The following MC3R variants were observed in gnomAD, a reference collection of about 807,000 sequenced individuals.
The protein encoded by MC3R is melanocortin receptor 3.
MC3R carries 12 observed loss-of-function variants against 14.0 expected under a neutral mutation model. The ratio of observed to expected loss-of-function variants is 0.86; its 90% CI spans 0.55 to 1.39. The LOEUF (loss-of-function observed/expected upper bound fraction) is 1.39. MC3R is among the 40% of genes most tolerant of loss of function. MC3R has a pLI of 0.00. For synonymous variants in MC3R, 174 were observed against 180.5 expected, an observed-to-expected ratio of 0.96 and a Z score of 0.29; for missense variants, 432 against 433.6, an observed-to-expected ratio of 1.00 and a Z score of 0.03.
In MC3R at chr20:56,249,255, A is replaced by G. The variant is rs760412753; in HGVS notation, c.412A>G (p.Ile138Val). ...LVASICNLLA[I>V]AVDRYVTIFY... ...GGCCTCCATCTGCAACCTCCTGGCC[A>G]TCGCCGTCGACAGGTACGTCACCAT... The change falls in exon 1 of 1, where the codon ATC becomes GTC. Residue 138 changes from isoleucine (I) to valine (V), a missense_variant. By Grantham distance (29) the Ile-to-Val change is conservative. Coordinates refer to ENST00000243911, the MANE Select transcript of MC3R (RefSeq NM_019888.3). The G allele has an allele frequency of 7.4e-6, 12 of 1,614,014 alleles. No individual in the cohort carries two copies. Among genetic ancestry groups the G allele is most frequent in the Non-Finnish European group, 2.5e-6 (3 of 1,180,034 alleles).
In MC3R at chr20:56,249,588, G is replaced by A. The variant is rs373708098; in HGVS notation, c.745G>A (p.Gly249Ser). The change falls in exon 1 of 1, where the codon GGC (glycine) becomes AGC (serine). Residue 249 changes from glycine to serine, a missense_variant. By Grantham distance (56) the Gly-to-Ser change is moderately conservative (BLOSUM62 0). Transcript: ENST00000243911. ...KGAVTITILL[G>S]VFIFCWAPFF... The stretch of plus-strand genomic sequence containing the variant: ...GGCAGTCACCATCACCATTCTCCTG[G>A]GCGTGTTCATCTTCTGCTGGGCCCC... 168 of 1,612,742 alleles carry A rather than the reference G, an allele frequency of 1.0e-4. No homozygotes were observed. The highest frequency in any genetic ancestry group is 1.2e-4 in the Non-Finnish European group (147 of 1,178,982).
Position 56,249,014 on chromosome 20 carries a change from C to A in MC3R, c.171C>A (p.Ile57=). The change falls in exon 1 of 1, where the codon ATC becomes ATA. Residue 57 remains isoleucine, a synonymous_variant. Coordinates refer to ENST00000243911, the MANE Select transcript of MC3R (RefSeq NM_019888.3). ...GCATCGTCAGTCTGCTGGAAAACAT[C>A]CTGGTTATCCTGGCCGTGGTCAGGA... ...SLGIVSLLEN[I]LVILAVVRNG... 6.2e-7 allele frequency: 1 copy of A among 1,614,198 alleles called. No homozygotes were observed. Among genetic ancestry groups the A allele is most frequent in the Non-Finnish European group, 8.5e-7 (1 of 1,180,030 alleles).
At position 56,249,588 on chromosome 20, in the gene MC3R, G is replaced by T; in HGVS notation, c.745G>T (p.Gly249Cys). 6.2e-7 allele frequency: 1 copy of T among 1,612,862 alleles called. No individual in the cohort carries two copies. The highest frequency in any genetic ancestry group is 1.3e-5 in the African/African-American group (1 of 74,964). Residue 249 changes from glycine (G) to cysteine (C), a missense_variant, in exon 1 of 1, where the codon GGC becomes TGC. Gly to Cys is a radical substitution (Grantham distance 159). Transcript: ENST00000243911. ...KGAVTITILL[G>C]VFIFCWAPFF... is the part of the protein sequence containing the mutation. ...GGCAGTCACCATCACCATTCTCCTG[G>T]GCGTGTTCATCTTCTGCTGGGCCCC... is the stretch of plus-strand genomic sequence containing the variant.
rs1346416753 is a variant in MC3R at position 56,249,327 on chromosome 20, C to G, written c.484C>G (p.Leu162Val). ...YHSIMTVRKA[L>V]TLIVAIWVCC... ...CAGCATCATGACCGTGAGGAAGGCC[C>G]TCACCTTGATCGTGGCCATCTGGGT... is the stretch of plus-strand genomic sequence containing the variant. Residue 162 changes from leucine to valine, a missense_variant, in exon 1 of 1, where the codon CTC becomes GTC. Coordinates refer to ENST00000243911, the MANE Select transcript of MC3R (RefSeq NM_019888.3). 6.2e-7 allele frequency: 1 copy of G among 1,614,146 alleles called. No individual in the cohort carries two copies. The highest frequency in any genetic ancestry group is 1.1e-5 in the South Asian group (1 of 91,076).
In MC3R at chr20:56,249,745, T is replaced by C. The variant is rs779704907; in HGVS notation, c.902T>C (p.Phe301Ser). ...NSVIDPLIYA[F>S]RSLELRNTFR... ...GTCATCGACCCACTCATCTACGCTT[T>C]CCGGAGCCTGGAATTGCGCAACACC... The change falls in exon 1 of 1, where the codon TTC (phenylalanine) becomes TCC (serine). Residue 301 changes from phenylalanine to serine, a missense_variant. Coordinates refer to ENST00000243911, the MANE Select transcript of MC3R (RefSeq NM_019888.3). The C allele has an allele frequency of 4.3e-6, 7 of 1,613,984 alleles. No homozygotes were observed. The African/African-American group carries it at 9.3e-5, about 22-fold the overall frequency.
In MC3R at chr20:56,249,015, C is replaced by T. The variant is rs145062060; in HGVS notation, c.172C>T (p.Leu58=). Residue 58 remains leucine (L), a synonymous_variant, in exon 1 of 1, where the codon CTG becomes TTG. Transcript: ENST00000243911. ...LGIVSLLENI[L]VILAVVRNGN... is the part of the protein sequence containing the mutation. ...CATCGTCAGTCTGCTGGAAAACATC[C>T]TGGTTATCCTGGCCGTGGTCAGGAA... is the stretch of plus-strand genomic sequence containing the variant. The T allele has an allele frequency of 1.3e-3, 2,138 of 1,614,180 alleles. 5 individuals carry two copies. Among genetic ancestry groups the T allele is most frequent in the Non-Finnish European group, 1.7e-3 (2,031 of 1,180,020 alleles).
rs769405419 is a variant in MC3R, at chr20:56,249,474, T to G, written c.631T>G (p.Phe211Val). ...CATGGGCACCCTCTACGTGCACATG[T>G]TCCTCTTTGCGCGGCTGCACGTCAA... is the stretch of plus-strand genomic sequence containing the variant. Reference protein sequence around the residue: ...LLMGTLYVHMFLFARLHVKRI... With the variant: ...LLMGTLYVHMVLFARLHVKRI... Residue 211 changes from phenylalanine (F) to valine (V), a missense_variant, in exon 1 of 1, where the codon TTC (phenylalanine) becomes GTC (valine). Coordinates refer to ENST00000243911, the MANE Select transcript of MC3R (RefSeq NM_019888.3). 4 of 1,614,114 alleles carry G rather than the reference T, an allele frequency of 2.5e-6. No individual in the cohort carries two copies. Among genetic ancestry groups the G allele is most frequent in the East Asian group, 2.2e-5 (1 of 44,872 alleles).
rs766377163 is a variant in MC3R, at chr20:56,249,062, G to A, written c.219G>A (p.Met73Ile). ...GGAACGGCAACCTGCACTCCCCGAT[G>A]TACTTCTTTCTCTGCAGCCTGGCGG... ...VVRNGNLHSPMYFFLCSLAVA... is the reference protein window; with the variant it reads ...VVRNGNLHSPIYFFLCSLAVA... The change falls in exon 1 of 1, where the codon ATG (methionine) becomes ATA (isoleucine). Residue 73 changes from methionine to isoleucine, a missense_variant. Met to Ile is a conservative substitution (Grantham distance 10). Coordinates refer to ENST00000243911, the MANE Select transcript of MC3R (RefSeq NM_019888.3). 24 of 1,614,096 alleles carry A rather than the reference G, an allele frequency of 1.5e-5. No individual in the cohort carries two copies. The Admixed American group carries it at 3.8e-4, about 26-fold the overall frequency.
chr20:56,249,015 C>G lies in MC3R; in HGVS notation c.172C>G (p.Leu58Val), dbSNP rs145062060. The G allele has an allele frequency of 6.2e-7, 1 of 1,614,062 alleles. No homozygotes were observed. The highest frequency in any genetic ancestry group is 1.3e-5 in the African/African-American group (1 of 74,926). ...CATCGTCAGTCTGCTGGAAAACATCCTGGTTATCCTGGCCGTGGTCAGGAA... is the reference window on the plus strand; with the variant it reads ...CATCGTCAGTCTGCTGGAAAACATCGTGGTTATCCTGGCCGTGGTCAGGAA... ...LGIVSLLENI[L>V]VILAVVRNGN... Residue 58 changes from leucine to valine, a missense_variant, in exon 1 of 1, where the codon CTG (leucine) becomes GTG (valine). Physicochemically the swap from Leu to Val is conservative, Grantham distance 32. Transcript: ENST00000243911.
Position 56,249,199 on chromosome 20 carries a change from T to C in MC3R, c.356T>C (p.Ile119Thr), listed in dbSNP as rs903818414. 6.2e-7 allele frequency: 1 copy of C among 1,613,968 alleles called. No individual in the cohort carries two copies. The highest frequency in any genetic ancestry group is 1.3e-5 in the African/African-American group (1 of 74,894). ...EDQFIQHMDN[I>T]FDSMICISLV... is the part of the protein sequence containing the mutation. The stretch of plus-strand genomic sequence containing the variant: ...CAGTTTATCCAGCACATGGACAACA[T>C]CTTCGACTCCATGATCTGCATCTCC... The change falls in exon 1 of 1, where the codon ATC (isoleucine) becomes ACC (threonine). Residue 119 changes from isoleucine (I) to threonine (T), a missense_variant. Physicochemically the swap from Ile to Thr is moderately conservative, Grantham distance 89. Coordinates refer to ENST00000243911, the MANE Select transcript of MC3R (RefSeq NM_019888.3).
At position 56,248,734 on chromosome 20, in the gene MC3R, T is replaced by G; in HGVS notation, c.-110T>G. 1.4e-5 allele frequency: 17 copies of G among 1,258,826 alleles called. No individual in the cohort carries two copies. The highest frequency in any genetic ancestry group is 2.9e-5 in the African/African-American group (2 of 68,078). 78.0% of individuals were successfully genotyped at this position (1,258,826 alleles called of 1,614,324 possible). On this transcript the variant is annotated 5_prime_UTR_variant, in exon 1 of 1. An upstream start codon of the reference 5' UTR is lost. Transcript: ENST00000243911. Reference sequence around the variant, plus strand: ...GAATAAACTCTAAGGCCAGATTGAATGAGCATCCAAAAGACGTATCTGGAG... The same window carrying G: ...GAATAAACTCTAAGGCCAGATTGAAGGAGCATCCAAAAGACGTATCTGGAG...
Position 56,248,957 on chromosome 20 carries a change from C to CTTCATCAAGCCCGAGGTT in MC3R, c.118_135dup (p.Ile40_Phe45dup). The CTTCATCAAGCCCGAGGTT allele has an allele frequency of 6.2e-7, 1 of 1,614,182 alleles. No individual in the cohort carries two copies. The highest frequency in any genetic ancestry group is 8.5e-7 in the Non-Finnish European group (1 of 1,180,040). The stretch of plus-strand genomic sequence containing the variant: ...GCAGCAGCGCCTTCTGTGAGCAGGT[C>CTTCATCAAGCCCGAGGTT]TTCATCAAGCCCGAGGTTTTCCTGT... On this transcript the variant is annotated inframe_insertion, in exon 1 of 1. Transcript: ENST00000243911.
chr20:56,249,342 G>A lies in MC3R; in HGVS notation c.499G>A (p.Ala167Thr). The A allele has an allele frequency of 1.9e-6, 3 of 1,614,106 alleles. No individual in the cohort carries two copies. Among genetic ancestry groups the A allele is most frequent in the Non-Finnish European group, 2.5e-6 (3 of 1,180,014 alleles). The change falls in exon 1 of 1, where the codon GCC becomes ACC. Residue 167 changes from alanine (A) to threonine (T), a missense_variant. Physicochemically the swap from Ala to Thr is moderately conservative, Grantham distance 58. Coordinates refer to ENST00000243911, the MANE Select transcript of MC3R (RefSeq NM_019888.3). ...GAGGAAGGCCCTCACCTTGATCGTG[G>A]CCATCTGGGTCTGCTGCGGCGTCTG... is the stretch of plus-strand genomic sequence containing the variant. ...TVRKALTLIV[A>T]IWVCCGVCGV...
chr20:56,249,588 G>C lies in MC3R; in HGVS notation c.745G>C (p.Gly249Arg), dbSNP rs373708098. The change falls in exon 1 of 1, where the codon GGC (glycine) becomes CGC (arginine). Residue 249 changes from glycine (G) to arginine (R), a missense_variant. By Grantham distance (125) the Gly-to-Arg change is moderately radical (BLOSUM62 -2). Transcript: ENST00000243911. ...GGCAGTCACCATCACCATTCTCCTG[G>C]GCGTGTTCATCTTCTGCTGGGCCCC... ...KGAVTITILL[G>R]VFIFCWAPFF... 6.2e-7 allele frequency: 1 copy of C among 1,612,862 alleles called. No homozygotes were observed. The highest frequency in any genetic ancestry group is 8.5e-7 in the Non-Finnish European group (1 of 1,178,974).
At position 56,248,953 on chromosome 20, in the gene MC3R, A is replaced by G. The variant is rs373335038; in HGVS notation, c.110A>G (p.Gln37Arg). The change falls in exon 1 of 1, where the codon CAG becomes CGG. Residue 37 changes from glutamine to arginine, a missense_variant. Coordinates refer to ENST00000243911, the MANE Select transcript of MC3R (RefSeq NM_019888.3). ...SNQSSSAFCEQVFIKPEVFLS... is the reference protein window; with the variant it reads ...SNQSSSAFCERVFIKPEVFLS... The stretch of plus-strand genomic sequence containing the variant: ...CAGAGCAGCAGCGCCTTCTGTGAGC[A>G]GGTCTTCATCAAGCCCGAGGTTTTC... 34 of 1,614,012 alleles carry G rather than the reference A, an allele frequency of 2.1e-5. No homozygotes were observed. Among genetic ancestry groups the G allele is most frequent in the Non-Finnish European group, 2.8e-5 (33 of 1,180,046 alleles).
Position 56,249,370 on chromosome 20 carries a change from G to A in MC3R, c.527G>A (p.Gly176Asp). 1 of 1,614,104 alleles carries A rather than the reference G, an allele frequency of 6.2e-7. No homozygotes were observed. Among genetic ancestry groups the A allele is most frequent in the South Asian group, 1.1e-5 (1 of 91,068 alleles). Residue 176 changes from glycine to aspartate, a missense_variant, in exon 1 of 1, where the codon GGC becomes GAC. Physicochemically the swap from Gly to Asp is moderately conservative, Grantham distance 94. Coordinates refer to ENST00000243911, the MANE Select transcript of MC3R (RefSeq NM_019888.3). ...VAIWVCCGVC[G>D]VVFIVYSESK... ...ATCTGGGTCTGCTGCGGCGTCTGTG[G>A]CGTGGTGTTCATCGTCTACTCGGAG...
At position 56,249,451 on chromosome 20, in the gene MC3R, T is replaced by C. The variant is rs757535093; in HGVS notation, c.608T>C (p.Met203Thr). 2.5e-6 allele frequency: 4 copies of C among 1,614,114 alleles called. No homozygotes were observed. Among genetic ancestry groups the C allele is most frequent in the Admixed American group, 1.7e-5 (1 of 60,024 alleles). Residue 203 changes from methionine to threonine, a missense_variant, in exon 1 of 1, where the codon ATG (methionine) becomes ACG (threonine). Physicochemically the swap from Met to Thr is moderately conservative, Grantham distance 81. Transcript: ENST00000243911. ...ATGTTCTTCGCCATGATGCTCCTCA[T>C]GGGCACCCTCTACGTGCACATGTTC... Reference protein sequence around the residue: ...ITMFFAMMLLMGTLYVHMFLF... With the variant: ...ITMFFAMMLLTGTLYVHMFLF...
rs1981347755 is a variant in MC3R at position 56,249,757 on chromosome 20, A to T, written c.914A>T (p.Glu305Val). The T allele has an allele frequency of 6.2e-7, 1 of 1,613,948 alleles. No individual in the cohort carries two copies. The highest frequency in any genetic ancestry group is 1.3e-5 in the African/African-American group (1 of 74,862). ...CTCATCTACGCTTTCCGGAGCCTGGAATTGCGCAACACCTTTAGGGAGATT... is the reference window on the plus strand; with the variant it reads ...CTCATCTACGCTTTCCGGAGCCTGGTATTGCGCAACACCTTTAGGGAGATT... ...DPLIYAFRSL[E>V]LRNTFREILC... Residue 305 changes from glutamate to valine, a missense_variant, in exon 1 of 1, where the codon GAA becomes GTA. Physicochemically the swap from Glu to Val is moderately radical, Grantham distance 121 (BLOSUM62 -2). Coordinates refer to ENST00000243911, the MANE Select transcript of MC3R (RefSeq NM_019888.3).
In MC3R at chr20:56,249,284, T is replaced by C. The variant is rs141716351; in HGVS notation, c.441T>C (p.Phe147=). Residue 147 remains phenylalanine, a synonymous_variant, in exon 1 of 1, where the codon TTT becomes TTC. Coordinates refer to ENST00000243911, the MANE Select transcript of MC3R (RefSeq NM_019888.3). ...AIAVDRYVTI[F]YALRYHSIMT... is the part of the protein sequence containing the mutation. ...CCGTCGACAGGTACGTCACCATCTTTTACGCGCTCCGCTACCACAGCATCA... is the reference window on the plus strand; with the variant it reads ...CCGTCGACAGGTACGTCACCATCTTCTACGCGCTCCGCTACCACAGCATCA... 8.1e-6 allele frequency: 13 copies of C among 1,614,134 alleles called. No individual in the cohort carries two copies. The highest frequency in any genetic ancestry group is 1.1e-5 in the Non-Finnish European group (13 of 1,180,018).
Sources: gnomAD v4.1 joint callset for allele counts on GRCh38, gnomAD v4.1.1 for gene constraint, MANE v1.5 for transcripts, NCBI Gene and HGNC (gene_info 2026-07-23, HGNC 2026-07-21) for gene names.